Variants in PREP observed in about 807,000 individuals in gnomAD.
PREP encodes the protein prolyl endopeptidase, also known as dJ355L5.1 (prolyl endopeptidase).
A neutral mutation model predicts 87.6 loss-of-function variants in PREP; 29 were observed. The observed-to-expected ratio is 0.33, with a 90% confidence interval of 0.25 to 0.45. The LOEUF is 0.45. Among genes scored for constraint, PREP ranks in the 20% least tolerant of loss-of-function variants. The pLI, the probability that PREP is intolerant of heterozygous loss-of-function variation, is 1.00. For synonymous variants in PREP, 337 were observed against 328.6 expected (o/e 1.03, Z -0.28); for missense variants, 695 against 886.5 (o/e 0.78, Z 2.74).
At position 105,355,966 on chromosome 6, in the gene PREP, T is replaced by A. The variant is rs1359594249; in HGVS notation, c.718-2889A>T. Among the ~76,000 whole-genome samples, 5 of 152,322 alleles carry A rather than the reference T, an allele frequency of 3.3e-5. No individual in the cohort carries two copies. In the South Asian group the frequency reaches 1.0e-3, roughly 32 times the overall value. The stretch of plus-strand genomic sequence containing the variant: ...TCATTATATTAACACTTAGTAAAGA[T>A]CTCTAAAAAGTATTTTTTTATGATA... On this transcript the variant is annotated intron_variant, in intron 6 of 14. Coordinates refer to ENST00000652536, the MANE Select transcript of PREP (RefSeq NM_002726.5).
rs538996838 is a variant in PREP, at chr6:105,353,208, AT to A, written c.718-132del. On this transcript the variant is annotated intron_variant, in intron 6 of 14. Coordinates refer to ENST00000652536, the MANE Select transcript of PREP (RefSeq NM_002726.5). ...GTCTCTGCCCCAAACTCATGATCTG[AT>A]AAGAAAGTTATCTGAATAAAAAGAT... 48 of 593,626 alleles carry A rather than the reference AT, an allele frequency of 8.1e-5. No individual in the cohort carries two copies. In the South Asian group the frequency reaches 1.2e-3, roughly 15 times the overall value. The allele number at this position is 593,626 out of a possible 1,614,324, so 36.8% of individuals were successfully genotyped here.
intron 7 of PREP, 112 bp downstream of exon 7, chr6:105,352,860 C>A (rs1367110156): frequency 2.2e-6 from 2 of 911,884 alleles, no homozygotes; most frequent in South Asian, 1.7e-5. Flanking sequence ...GATGAACTGA[C>A]ATGATGTGGT....
Position 105,313,119 on chromosome 6 carries a change from A to T in PREP, c.1317+10546T>A, listed in dbSNP as rs191731660. Among the ~76,000 whole-genome samples, 8 of 152,368 alleles carry T rather than the reference A, an allele frequency of 5.3e-5. No individual in the cohort carries two copies. The East Asian group carries it at 1.2e-3, about 22-fold the overall frequency. ...AGTCTACCTCCCTAAAACCAGGTCA[A>T]GGTACACTTAATCCAAATCAAAAGA... On this transcript the variant is annotated intron_variant, in intron 10 of 14. Coordinates refer to ENST00000652536, the MANE Select transcript of PREP (RefSeq NM_002726.5).
intron 7 of PREP, among the ~76,000 whole-genome samples, chr6:105,350,360 G>GAA (rs202124020): frequency 6.7e-6 from 1 of 148,174 alleles, no homozygotes; most frequent in Non-Finnish European, 1.5e-5. Context: ...TTAAGGGAGA[G>GAA]AAAAAAAAAA....
chr6:105,348,576 G>A (rs1771861500), intron 7 of PREP, among the ~76,000 whole-genome samples: 3 of 152,078 alleles, frequency 2.0e-5, no homozygotes, highest in Non-Finnish European at 2.9e-5. Context: ...TGGAGAGAAA[G>A]GTATCTATCA....
At chr6:105,301,715 T>C (rs149690078) in intron 10 of PREP, among the ~76,000 whole-genome samples, 6 of 152,368 alleles carry the variant, frequency 3.9e-5, no homozygotes, top group African/African-American at 1.4e-4. Context: ...TCCCTTAGGA[T>C]ACCTCAATTA....
At chr6:105,348,408 T>C (rs1771854538) in intron 7 of PREP, among the ~76,000 whole-genome samples, 1 of 152,196 alleles carries the variant, frequency 6.6e-6, no homozygotes, top group South Asian at 2.1e-4. Context: ...ACACCTGCTG[T>C]GAGTCCAATA....
chr6:105,393,758 T>C (rs1773221100), intron 2 of PREP, among the ~76,000 whole-genome samples: 1 of 152,204 alleles, frequency 6.6e-6, no homozygotes, highest in South Asian at 2.1e-4. Context: ...GATTTTGTTT[T>C]ATAAAGGATA....
chr6:105,300,043 T>G lies in PREP; in HGVS notation c.1318-11149A>C, dbSNP rs146104904. Among the ~76,000 whole-genome samples the G allele has an allele frequency of 3.7e-3, 564 of 152,204 alleles. 1 individual carries two copies. Among genetic ancestry groups the G allele is most frequent in the Non-Finnish European group, 5.7e-3 (387 of 68,008 alleles). On this transcript the variant is annotated intron_variant, in intron 10 of 14. Coordinates refer to ENST00000652536, the MANE Select transcript of PREP (RefSeq NM_002726.5). ...TCCTGAGTAGCTGAGAATACAGGTG[T>G]GCACCACCACACCCGGGTAACTTTG...
chr6:105,370,479 T>C (rs987287254), intron 5 of PREP, among the ~76,000 whole-genome samples: 6 of 152,086 alleles, frequency 3.9e-5, no homozygotes, highest in Admixed American at 2.6e-4. Context: ...AGGATTCTTA[T>C]AAAACTGAAC....
intron 2 of PREP, among the ~76,000 whole-genome samples, chr6:105,387,669 CA>C (rs200544402): frequency 5.4e-5 from 8 of 149,176 alleles, no homozygotes; most frequent in African/African-American, 1.7e-4. Flanking sequence ...GAAAAAGTCG[CA>C]AAAAAAAATC....
At chr6:105,373,325 C>T in intron 5 of PREP, 44 bp downstream of exon 5, 1 of 1,585,822 alleles carries the variant, frequency 6.3e-7, no homozygotes, top group Non-Finnish European at 8.7e-7. Context: ...TGAAGTCACA[C>T]TTCATTTTGT....
intron 6 of PREP, among the ~76,000 whole-genome samples, chr6:105,355,359 C>T (rs991016408): frequency 2.6e-5 from 4 of 152,164 alleles, no homozygotes; most frequent in South Asian, 4.1e-4. Context: ...AGTGCCACTG[C>T]GCCCAGCCAA....
In PREP at chr6:105,381,695, C is replaced by CA. The variant is rs199953026; in HGVS notation, c.121-4177dup. Reference sequence around the variant, plus strand: ...ATTTTCCTAGCAAAGAGTAGCTGCTCAAAACTAAGAAATCTTACTTATATC... The same window carrying CA: ...ATTTTCCTAGCAAAGAGTAGCTGCTCAAAAACTAAGAAATCTTACTTATATC... On this transcript the variant is annotated intron_variant, in intron 2 of 14. Coordinates refer to ENST00000652536, the MANE Select transcript of PREP (RefSeq NM_002726.5). 7.5e-3 allele frequency among the ~76,000 whole-genome samples: 1,145 copies of CA among 152,208 alleles called. 13 individuals are homozygous for CA. Among genetic ancestry groups the CA allele is most frequent in the African/African-American group, 0.025 (1,032 of 41,516 alleles).
rs1323722229 is a variant in PREP, at chr6:105,329,088, A to G, written c.1016-62T>C. On this transcript the variant is annotated intron_variant, in intron 8 of 14. Coordinates refer to ENST00000652536, the MANE Select transcript of PREP (RefSeq NM_002726.5). ...TAAAAAATTAATGAAAACACATTTA[A>G]TTGAGCAACAGTTCCAGAGCTACAC... 2.1e-6 allele frequency: 3 copies of G among 1,446,838 alleles called. No individual in the cohort carries two copies. In the Admixed American group the frequency reaches 5.4e-5, roughly 26 times the overall value. The allele number at this position is 1,446,838 out of a possible 1,614,324, so 89.6% of individuals were successfully genotyped here.
chr6:105,368,011 G>T (rs1772436736), intron 6 of PREP, among the ~76,000 whole-genome samples: 1 of 152,156 alleles, frequency 6.6e-6, no homozygotes, highest in South Asian at 2.1e-4. Flanking sequence ...GAATACGGAA[G>T]ATCAATTCCC....
intron 2 of PREP, among the ~76,000 whole-genome samples, chr6:105,394,329 G>A (rs1216064324): frequency 6.6e-6 from 1 of 152,162 alleles, no homozygotes; most frequent in Non-Finnish European, 1.5e-5. Flanking sequence ...ATGTTTTGCA[G>A]AGCTTTGACC....
At chr6:105,351,774 C>A (rs1015353067) in intron 7 of PREP, among the ~76,000 whole-genome samples, 1 of 152,150 alleles carries the variant, frequency 6.6e-6, no homozygotes, top group Non-Finnish European at 1.5e-5. Context: ...GCAAACAATT[C>A]CTGGATGGTG....
chr6:105,393,368 A>G (rs1250385269), intron 2 of PREP, among the ~76,000 whole-genome samples: 1 of 152,148 alleles, frequency 6.6e-6, no homozygotes, highest in East Asian at 1.9e-4. Flanking sequence ...CAGACTTGTA[A>G]CAGAAAATTC....
Sources: allele counts gnomAD v4.1 joint callset (sites outside exome capture counted in the v4.1 genomes callset), GRCh38; gene constraint gnomAD v4.1.1; transcripts MANE v1.5; gene names NCBI Gene and HGNC (gene_info 2026-07-23, HGNC 2026-07-21).